Variants in BTBD9 observed in about 807,000 individuals in gnomAD.
BTBD9 encodes the protein BTB/POZ domain-containing protein 9.
BTBD9 carries 49 observed loss-of-function variants against 64.3 expected under a neutral mutation model. The ratio of observed to expected loss-of-function variants is 0.76; its 90% CI spans 0.61 to 0.97. The LOEUF (loss-of-function observed/expected upper bound fraction) is 0.97. Among genes scored for constraint, BTBD9 ranks in the 50% least tolerant of loss-of-function variants. The pLI, the probability that BTBD9 is intolerant of heterozygous loss-of-function variation, is 0.00. For missense variants in BTBD9, 598 were observed against 762.1 expected (o/e 0.78, Z 2.53); for synonymous variants, 260 against 274.7 (o/e 0.95, Z 0.53).
At position 38,302,714 on chromosome 6, in the gene BTBD9, C is replaced by T. The variant is rs554974073; in HGVS notation, c.1265-14253G>A. On this transcript the variant is annotated intron_variant, in intron 7 of 10. Transcript: ENST00000481247. ...AGTTTATTTTTAGTTTTCTGAGGAA[C>T]TTCCATACTGTTTTCCACAATGGCT... Among the ~76,000 whole-genome samples the T allele has an allele frequency of 5.8e-4, 88 of 151,780 alleles. 1 individual carries two copies. Among genetic ancestry groups the T allele is most frequent in the African/African-American group, 2.1e-3 (85 of 41,408 alleles).
At chr6:38,236,223 G>T (rs1328116636) in intron 9 of BTBD9, among the ~76,000 whole-genome samples, 1 of 152,132 alleles carries the variant, frequency 6.6e-6, no homozygotes, top group East Asian at 1.9e-4. Flanking sequence ...CAAATACAAT[G>T]GAGACCAGGA....
At chr6:38,581,587 C>A (rs1318094961) in intron 4 of BTBD9, among the ~76,000 whole-genome samples, 1 of 152,152 alleles carries the variant, frequency 6.6e-6, no homozygotes, top group Admixed American at 6.5e-5. Context: ...TGGAACCTAT[C>A]TTCCAGGTAC....
chr6:38,487,041 T>G (rs1271508630), intron 6 of BTBD9, among the ~76,000 whole-genome samples: 1 of 152,232 alleles, frequency 6.6e-6, no homozygotes, highest in African/African-American at 2.4e-5. Context: ...GCTGAGAGCA[T>G]GAGAGTTAAC....
intron 7 of BTBD9, among the ~76,000 whole-genome samples, 168 bp downstream of exon 7, chr6:38,344,816 A>C (rs1461928169): frequency 6.6e-6 from 1 of 152,244 alleles, no homozygotes; most frequent in Non-Finnish European, 1.5e-5. Flanking sequence ...TGGAATTACT[A>C]TATTGAATAC....
chr6:38,228,181 A>C (rs1350259320), intron 9 of BTBD9, among the ~76,000 whole-genome samples: 1 of 151,494 alleles, frequency 6.6e-6, no homozygotes, highest in Non-Finnish European at 1.5e-5. Flanking sequence ...GGGCAAAATG[A>C]GGAAACCTTG....
At chr6:38,591,255 T>A (rs750322192) in intron 4 of BTBD9, among the ~76,000 whole-genome samples, 3 of 152,204 alleles carry the variant, frequency 2.0e-5, no homozygotes, top group Non-Finnish European at 4.4e-5. Flanking sequence ...AATCAAGCTC[T>A]TCTATTTATG....
rs543199665 is a variant in BTBD9 at position 38,184,284 on chromosome 6, G to A, written c.1641+8235C>T. ...GCTGCCCGCTGGGCTTGACTATCCC[G>A]GCTGTCCCTGCACTGCCTCCTCTCT... On this transcript the variant is annotated intron_variant, in intron 10 of 10. Transcript: ENST00000481247. The surrounding 1 kb of genome is among the most constrained non-coding windows in gnomAD (Gnocchi z 4.4). Among the ~76,000 whole-genome samples the A allele has an allele frequency of 2.2e-4, 34 of 152,268 alleles. No individual in the cohort carries two copies. The highest frequency in any genetic ancestry group is 1.7e-3 in the East Asian group (9 of 5,182).
In BTBD9 at chr6:38,171,866, A is replaced by AT. The variant is rs1766791587; in HGVS notation, c.*3118_*3119insA. 3.5e-5 allele frequency: 3 copies of AT among 86,634 alleles called. No individual in the cohort carries two copies. The highest frequency in any genetic ancestry group is 5.7e-5 in the Non-Finnish European group (2 of 35,376). 5.4% of individuals were successfully genotyped at this position (86,634 alleles called of 1,614,324 possible). On this transcript the variant is annotated 3_prime_UTR_variant, in exon 11 of 11. Coordinates refer to ENST00000481247, the MANE Select transcript of BTBD9 (RefSeq NM_001099272.2). ...ACTCTCAAAAAAAAAAAAAAAAAAA[A>AT]AAAAAAAAAAAAAAAATAATAATAA...
At chr6:38,226,828 A>G (rs1763409875) in intron 9 of BTBD9, among the ~76,000 whole-genome samples, 3 of 152,230 alleles carry the variant, frequency 2.0e-5, no homozygotes, top group African/African-American at 4.8e-5. Context: ...TTGTGGTACC[A>G]TGGGGATCCA....
At chr6:38,278,518 C>T (rs889007446) in intron 8 of BTBD9, among the ~76,000 whole-genome samples, 2 of 152,118 alleles carry the variant, frequency 1.3e-5, no homozygotes, top group Non-Finnish European at 1.5e-5. Flanking sequence ...CTTTGTAAGG[C>T]TATAGGAGGT....
intron 7 of BTBD9, among the ~76,000 whole-genome samples, chr6:38,298,765 A>G (rs1035000611): frequency 6.6e-6 from 1 of 152,056 alleles, no homozygotes; most frequent in African/African-American, 2.4e-5. Flanking sequence ...GTAACAACAT[A>G]TGATATCTGT....
At chr6:38,343,641 C>T (rs1396390577) in intron 7 of BTBD9, among the ~76,000 whole-genome samples, 1 of 152,146 alleles carries the variant, frequency 6.6e-6, no homozygotes, top group African/African-American at 2.4e-5. Flanking sequence ...AAAACAATAT[C>T]AGGTAATGCT....
intron 6 of BTBD9, among the ~76,000 whole-genome samples, chr6:38,560,576 ATTTTT>A (rs1320224228): frequency 1.3e-5 from 2 of 151,906 alleles, no homozygotes; most frequent in African/African-American, 4.8e-5. Flanking sequence ...TTTGAAATTT[ATTTTT>A]TTTAACTTTT....
At chr6:38,256,636 G>T in intron 8 of BTBD9, 120 bp from the exon 9 acceptor site, 3 of 654,846 alleles carry the variant, frequency 4.6e-6, no homozygotes, top group Non-Finnish European at 7.9e-6. Context: ...ACTGGACAAA[G>T]AAGGTGAATC....
At chr6:38,487,858 T>C (rs144874351) in intron 6 of BTBD9, among the ~76,000 whole-genome samples, 9 of 152,202 alleles carry the variant, frequency 5.9e-5, no homozygotes, top group African/African-American at 2.2e-4. Context: ...AGAAAAAGAA[T>C]AATTTGTAAC....
chr6:38,559,256 T>C (rs1775162922), intron 6 of BTBD9, among the ~76,000 whole-genome samples: 1 of 152,110 alleles, frequency 6.6e-6, no homozygotes, highest in Non-Finnish European at 1.5e-5. Context: ...CAAAAATCAG[T>C]GGCATTTCCA....
rs1582690588 is a variant in BTBD9 at position 38,594,333 on chromosome 6, C to T, written c.186-6G>A. The T allele has an allele frequency of 3.2e-6, 5 of 1,583,428 alleles. No individual in the cohort carries two copies. The highest frequency in any genetic ancestry group is 4.3e-6 in the Non-Finnish European group (5 of 1,163,184). ...TTCCACCATATAATAATGCTCTGCA[C>T]ATCAGGGAAGAAACACATGAAGAAA... On this transcript the variant is annotated splice_polypyrimidine_tract_variant and splice_region_variant and intron_variant, in intron 2 of 10. Coordinates refer to ENST00000481247, the MANE Select transcript of BTBD9 (RefSeq NM_001099272.2).
chr6:38,174,809 C>G lies in BTBD9; in HGVS notation c.*176G>C. On this transcript the variant is annotated 3_prime_UTR_variant, in exon 11 of 11. Transcript: ENST00000481247. ...TTTGGATAAATTGAGAAGAACAAAG[C>G]AGCCCCTTTCTGTCCTTGGGAGAAA... 2.8e-6 allele frequency: 2 copies of G among 722,392 alleles called. No individual in the cohort carries two copies. The highest frequency in any genetic ancestry group is 4.6e-6 in the Non-Finnish European group (2 of 436,184). The allele number at this position is 722,392 out of a possible 1,614,324, so 44.7% of individuals were successfully genotyped here. A position where few individuals can be genotyped will look rare whatever the true frequency, so the allele number is the denominator to read the frequency against.
rs188372270 is a variant in BTBD9, at chr6:38,599,277, C to T, written c.-27-1156G>A. On this transcript the variant is annotated intron_variant, in intron 1 of 10. Transcript: ENST00000481247. ...TAAAAATGTTTATATTTTTTAATAC[C>T]GAATGTACTTGCAGGTACTTAAAAA... Among the ~76,000 whole-genome samples, 901 of 152,048 alleles carry T rather than the reference C, an allele frequency of 5.9e-3. 4 individuals carry two copies. The highest frequency in any genetic ancestry group is 0.01 in the Non-Finnish European group (681 of 67,992).
Sources: allele counts gnomAD v4.1 joint callset (sites outside exome capture counted in the v4.1 genomes callset), GRCh38; gene constraint gnomAD v4.1.1; non-coding constraint Gnocchi (gnomAD v3.1); transcripts MANE v1.5; gene names NCBI Gene and HGNC (gene_info 2026-07-23, HGNC 2026-07-21).